EPS8L2: variants seen among roughly 807,000 people sequenced by gnomAD.
EPS8L2 encodes the protein EPS8 signaling adaptor L2, also known as epidermal growth factor receptor kinase substrate 8-like protein 2.
In EPS8L2, 81 loss-of-function variants were observed where a neutral mutation model predicts 99.4. That is an observed-to-expected ratio of 0.82 (90% CI 0.68 to 0.98). EPS8L2 has a LOEUF of 0.98. Among genes scored for constraint, EPS8L2 ranks in the 50% least tolerant of loss-of-function variants. The pLI, the probability that EPS8L2 is intolerant of heterozygous loss-of-function variation, is 0.00. For synonymous variants in EPS8L2, 509 were observed against 407.3 expected (o/e 1.25, Z -3.01); for missense variants, 1,155 against 968.8 (o/e 1.19, Z -2.55).
rs1862277257 is a variant in EPS8L2, at chr11:724,981, C to G, written c.1560+152C>G. On this transcript the variant is annotated intron_variant, in intron 16 of 20. Coordinates refer to ENST00000318562, the MANE Select transcript of EPS8L2 (RefSeq NM_022772.4). This position sits in a 1 kb window ranked among gnomAD's most constrained non-coding sequence, Gnocchi z 5.5. ...GGCCCCTTTCTCCAGGGTCCCCGCC[C>G]TTGGACTCTGATCAGGATCCCCAGC... 1 of 646,312 alleles carries G rather than the reference C, an allele frequency of 1.5e-6. No homozygotes were observed. The allele number at this position is 646,312 out of a possible 1,614,324, so 40.0% of individuals were successfully genotyped here.
intron 12 of EPS8L2, 106 bp from the exon 13 acceptor site, chr11:722,295 T>C: frequency 6.5e-7 from 1 of 1,539,778 alleles, no homozygotes; most frequent in South Asian, 1.2e-5. Context: ...GTGGCCACTC[T>C]CCCTGGGGTC....
At chr11:710,011 T>G in intron 3 of EPS8L2, 1 of 362,564 alleles carries the variant, frequency 2.8e-6, no homozygotes, top group Non-Finnish European at 5.2e-6. Context: ...CACCCTTCAC[T>G]TATGTCTTTG....
At position 721,699 on chromosome 11, in the gene EPS8L2, G is replaced by A. The variant is rs1862179032; in HGVS notation, c.895+8G>A. On this transcript the variant is annotated splice_region_variant and intron_variant, in intron 10 of 20. Coordinates refer to ENST00000318562, the MANE Select transcript of EPS8L2 (RefSeq NM_022772.4). ...GCAAGAAGGCGCCAGCAGGTGCAGGGGACAGGGACGGGGCCGGCAGGTGCA... is the reference window on the plus strand; with the variant it reads ...GCAAGAAGGCGCCAGCAGGTGCAGGAGACAGGGACGGGGCCGGCAGGTGCA... 5 of 1,602,474 alleles carry A rather than the reference G, an allele frequency of 3.1e-6. No individual in the cohort carries two copies. In the African/African-American group the frequency reaches 4.0e-5, roughly 13 times the overall value.
intron 4 of EPS8L2, among the ~76,000 whole-genome samples, chr11:718,701 C>G (rs1464873641): frequency 6.7e-6 from 1 of 149,156 alleles, no homozygotes; most frequent in African/African-American, 2.5e-5. Context: ...TGGAGTCTCA[C>G]TCTGTCGCCC....
At chr11:714,062 A>T (rs1187995619) in intron 4 of EPS8L2, among the ~76,000 whole-genome samples, 1 of 152,162 alleles carries the variant, frequency 6.6e-6, no homozygotes, top group Non-Finnish European at 1.5e-5. Flanking sequence ...GTGGAAATTA[A>T]TTTTTATGAT....
intron 3 of EPS8L2, chr11:709,987 T>A: frequency 2.5e-6 from 1 of 393,988 alleles, no homozygotes; most frequent in East Asian, 5.2e-5. Context: ...CCCTGCCCTC[T>A]CGCTAGCTAG....
chr11:710,234 T>C, intron 3 of EPS8L2, 188 bp from the exon 4 acceptor site: 1 of 604,976 alleles, frequency 1.7e-6, no homozygotes, highest in Non-Finnish European at 3.0e-6. Context: ...CAAGGGGGCT[T>C]CCCTGGAGGG....
chr11:707,544 A>G (rs1861759203), intron 1 of EPS8L2, among the ~76,000 whole-genome samples: 1 of 152,182 alleles, frequency 6.6e-6, no homozygotes, highest in South Asian at 2.1e-4. Context: ...ACCACAGTAC[A>G]AAGTGCAGCC....
intron 17 of EPS8L2, 64 bp downstream of exon 17, chr11:725,911 T>TAGCCCCGCCCCAAGGCC: frequency 7.3e-7 from 1 of 1,376,116 alleles, no homozygotes; most frequent in Non-Finnish European, 9.4e-7. Context: ...CGCCTGCGCC[T>TAGCCCCGCCCCAAGGCC]AGCCCCGCCC....
In EPS8L2 at chr11:721,215, A is replaced by AG. The variant is rs760713540; in HGVS notation, c.700+13dup. On this transcript the variant is annotated intron_variant, in intron 8 of 20. Coordinates refer to ENST00000318562, the MANE Select transcript of EPS8L2 (RefSeq NM_022772.4). ...GCCACTCAGCGAGCCAGGTGGGCCGAGGGGCTGGAGGGGGCTCCACAGGGC... is the reference window on the plus strand; with the variant it reads ...GCCACTCAGCGAGCCAGGTGGGCCGAGGGGGCTGGAGGGGGCTCCACAGGGC... 3.3e-5 allele frequency: 50 copies of AG among 1,528,008 alleles called. No individual in the cohort carries two copies. Among genetic ancestry groups the AG allele is most frequent in the Non-Finnish European group, 4.2e-5 (48 of 1,140,040 alleles). 94.7% of individuals were successfully genotyped at this position (1,528,008 alleles called of 1,614,324 possible).
At chr11:707,731 G>A (rs1861764946) in intron 1 of EPS8L2, among the ~76,000 whole-genome samples, 1 of 152,068 alleles carries the variant, frequency 6.6e-6, no homozygotes, top group Non-Finnish European at 1.5e-5. Context: ...CCGATGCCCT[G>A]CAGGCAACCG....
chr11:710,561 T>A, intron 4 of EPS8L2, 75 bp downstream of exon 4: 1 of 1,311,748 alleles, frequency 7.6e-7, no homozygotes, highest in Non-Finnish European at 1.1e-6. Context: ...GGTTCTCGTC[T>A]CCACAAAAAA....
At chr11:709,953 C>A (rs930088883) in intron 3 of EPS8L2, 13 of 449,890 alleles carry the variant, frequency 2.9e-5, no homozygotes, top group African/African-American at 9.9e-5. Context: ...CACCTCCCCC[C>A]ACTCTGCCCT....
chr11:720,220 ACAGGTGGGGCCCAGCGC>A lies in EPS8L2; in HGVS notation c.327_327+16del. The A allele has an allele frequency of 6.2e-7, 1 of 1,612,930 alleles. No individual in the cohort carries two copies. Among genetic ancestry groups the A allele is most frequent in the South Asian group, 1.1e-5 (1 of 91,080 alleles). ...CGCTGCGGCTGCTGGACATCGAGTCACAGGTGGGGCCCAGCGCCACGGGGGACAGGGAGCACAGTGGG... is the reference window on the plus strand; with the variant it reads ...CGCTGCGGCTGCTGGACATCGAGTCACACGGGGGACAGGGAGCACAGTGGG... On this transcript the variant is annotated splice_donor_variant and splice_donor_5th_base_variant and coding_sequence_variant and intron_variant, in exon 5 of 21. Coordinates refer to ENST00000318562, the MANE Select transcript of EPS8L2 (RefSeq NM_022772.4). LOFTEE classifies it high-confidence loss of function.
At position 724,690 on chromosome 11, in the gene EPS8L2, C is replaced by T; in HGVS notation, c.1455-34C>T. ...CCCAGGTCTCAGAGGAGACCCCCAC[C>T]AGACTGGGCCTCAGCCCCTCCTGTT... On this transcript the variant is annotated intron_variant, in intron 15 of 20. Transcript: ENST00000318562. This position sits in a 1 kb window ranked among gnomAD's most constrained non-coding sequence, Gnocchi z 5.5. 1.3e-6 allele frequency: 2 copies of T among 1,515,130 alleles called. No individual in the cohort carries two copies. The highest frequency in any genetic ancestry group is 1.8e-6 in the Non-Finnish European group (2 of 1,091,078). 93.9% of individuals were successfully genotyped at this position (1,515,130 alleles called of 1,614,324 possible). A position where few individuals can be genotyped will look rare whatever the true frequency, so the allele number is the denominator to read the frequency against.
At position 724,500 on chromosome 11, in the gene EPS8L2, C is replaced by T. The variant is rs1590056818; in HGVS notation, c.1455-224C>T. ...TGTACCACAGGCCCCTGCGCCACGC[C>T]CACCTCCTGCCTGCCCCGCCTCCAC... On this transcript the variant is annotated intron_variant, in intron 15 of 20. Transcript: ENST00000318562. The surrounding 1 kb of genome is among the most constrained non-coding windows in gnomAD (Gnocchi z 5.5). 5 of 570,746 alleles carry T rather than the reference C, an allele frequency of 8.8e-6. No homozygotes were observed. In the East Asian group the frequency reaches 8.9e-5, roughly 10 times the overall value. The allele number at this position is 570,746 out of a possible 1,614,324, so 35.4% of individuals were successfully genotyped here.
rs201787907 is a variant in EPS8L2, at chr11:722,439, C to T, written c.1098C>T (p.Ser366=). 5.6e-5 allele frequency: 90 copies of T among 1,613,452 alleles called. 1 individual carries two copies. In the East Asian group the frequency reaches 1.5e-3, roughly 26 times the overall value. The change falls in exon 13 of 21, where the codon TCC becomes TCT. Residue 366 remains serine (S), a synonymous_variant. Transcript: ENST00000318562. ...NTCSGPDIAR[S]VSCPLLSRDA... is the part of the protein sequence containing the mutation. ...GCAGTGGCCCAGACATCGCACGCTC[C>T]GTCTCCTGCCCACTGCTCTCCCGAG...
intron 15 of EPS8L2, among the ~76,000 whole-genome samples, chr11:723,558 C>G (rs1319719573): frequency 6.6e-6 from 1 of 152,208 alleles, no homozygotes; most frequent in African/African-American, 2.4e-5. Context: ...TGCACAAATT[C>G]TCTACCCTAA....
At chr11:723,509 C>T (rs574481138) in intron 15 of EPS8L2, among the ~76,000 whole-genome samples, 156 bp downstream of exon 15, 17 of 152,342 alleles carry the variant, frequency 1.1e-4, no homozygotes, top group African/African-American at 3.8e-4. Context: ...TTCATTTCAA[C>T]TGCATGATAT....
Sources: gnomAD v4.1 joint callset for allele counts (sites outside exome capture counted in the v4.1 genomes callset) on GRCh38, gnomAD v4.1.1 for gene constraint, Gnocchi (gnomAD v3.1) non-coding constraint, MANE v1.5 for transcripts, NCBI Gene and HGNC (gene_info 2026-07-23, HGNC 2026-07-21) for gene names.